The following PHACTR1 variants were observed in gnomAD, a reference collection of about 807,000 sequenced individuals.
The protein encoded by PHACTR1 is phosphatase and actin regulator 1, also known as RPEL repeat containing 1.
PHACTR1 carries 16 observed loss-of-function variants against 69.2 expected under a neutral mutation model. That is an observed-to-expected ratio of 0.23 (90% confidence interval 0.16 to 0.35). The LOEUF (loss-of-function observed/expected upper bound fraction) is 0.35, where lower values mean the gene tolerates loss of function less well. PHACTR1 is among the 10% of genes least tolerant of loss of function. The probability of loss-of-function intolerance (pLI) is 1.00; values close to 1 mark genes in which losing one functional copy is unlikely to be tolerated. For missense variants in PHACTR1, 510 were observed against 734.7 expected (o/e 0.69, Z 3.54); for synonymous variants, 312 against 284.5 (o/e 1.10, Z -0.97).
chr6:12,801,257 A>T (rs1050838085), intron 4 of PHACTR1, among the ~76,000 whole-genome samples: 19 of 152,366 alleles, frequency 1.2e-4, no homozygotes, highest in African/African-American at 4.3e-4. Context: ...GAAGAACACC[A>T]TCTAACTTGT....
intron 7 of PHACTR1, among the ~76,000 whole-genome samples, chr6:13,203,133 A>T (rs1378246401): frequency 6.6e-6 from 1 of 152,172 alleles, no homozygotes; most frequent in Non-Finnish European, 1.5e-5. Context: ...TCAGGCTCAC[A>T]TCTCCCTCCT....
At chr6:13,082,659 A>G (rs1811582395) in intron 5 of PHACTR1, among the ~76,000 whole-genome samples, 1 of 152,162 alleles carries the variant, frequency 6.6e-6, no homozygotes, top group Admixed American at 6.6e-5. Context: ...GTGAGATGGT[A>G]TCTCATTGTG....
intron 10 of PHACTR1, among the ~76,000 whole-genome samples, chr6:13,251,915 C>T (rs1329654584): frequency 5.3e-5 from 8 of 151,348 alleles, no homozygotes. Flanking sequence ...ATTAGCTGGG[C>T]ATGGTGGCAC....
chr6:13,142,413 A>G (rs1179537041), intron 5 of PHACTR1, among the ~76,000 whole-genome samples: 1 of 152,260 alleles, frequency 6.6e-6, no homozygotes, highest in South Asian at 2.1e-4. Context: ...CGAGAATCCA[A>G]TAGTTTTACT....
intron 8 of PHACTR1, among the ~76,000 whole-genome samples, chr6:13,208,444 C>T (rs9395539): frequency 2.0e-5 from 3 of 152,118 alleles, no homozygotes; most frequent in Non-Finnish European, 4.4e-5. Context: ...TGTGATGGAT[C>T]GAAAATGGAA....
At chr6:13,007,447 C>T (rs190379561) in intron 4 of PHACTR1, among the ~76,000 whole-genome samples, 32 of 152,144 alleles carry the variant, frequency 2.1e-4, no homozygotes, top group Non-Finnish European at 4.1e-4. Flanking sequence ...CTAATCTGTC[C>T]CCTATTTATC....
intron 4 of PHACTR1, among the ~76,000 whole-genome samples, chr6:12,946,461 A>T: frequency 6.6e-6 from 1 of 152,216 alleles, no homozygotes; most frequent in Non-Finnish European, 1.5e-5. Flanking sequence ...CAGTTAGATT[A>T]TTGCAGAAGA....
intron 4 of PHACTR1, among the ~76,000 whole-genome samples, chr6:12,825,028 C>A (rs1776636566): frequency 6.6e-6 from 1 of 152,132 alleles, no homozygotes; most frequent in African/African-American, 2.4e-5. Flanking sequence ...CCTGTAATCC[C>A]AGCACTTTGA....
intron 4 of PHACTR1, among the ~76,000 whole-genome samples, chr6:12,803,034 C>G (rs775402512): frequency 1.3e-5 from 2 of 152,142 alleles, no homozygotes; most frequent in Admixed American, 1.3e-4. Flanking sequence ...AAGGTGAACA[C>G]GTGTGTTAAA....
chr6:12,746,811 A>T (rs1299180181), intron 3 of PHACTR1, among the ~76,000 whole-genome samples: 3 of 152,194 alleles, frequency 2.0e-5, no homozygotes, highest in Admixed American at 1.3e-4. Flanking sequence ...AGATGACGTT[A>T]TCATTTTTCC....
chr6:12,989,101 C>T (rs994426513), intron 4 of PHACTR1, among the ~76,000 whole-genome samples: 27 of 152,182 alleles, frequency 1.8e-4, no homozygotes, highest in African/African-American at 5.8e-4. Flanking sequence ...TATCTTATAA[C>T]GTTGAATCCT....
At position 12,839,435 on chromosome 6, in the gene PHACTR1, G is replaced by A. The variant is rs114130241; in HGVS notation, c.250+89645G>A. Among the ~76,000 whole-genome samples, 1,049 of 152,154 alleles carry A rather than the reference G, an allele frequency of 6.9e-3. 17 individuals are homozygous for A. The highest frequency in any genetic ancestry group is 0.024 in the African/African-American group (998 of 41,486). ...TTTTTCATCCCCTCCACCCCACAGC[G>A]AGTCCTTTGTGGGGTTCAGTAAAGT... On this transcript the variant is annotated intron_variant, in intron 4 of 14. Transcript: ENST00000332995.
intron 3 of PHACTR1, among the ~76,000 whole-genome samples, chr6:12,748,149 G>C (rs1766048874): frequency 6.6e-6 from 1 of 152,190 alleles, no homozygotes; most frequent in South Asian, 2.1e-4. Flanking sequence ...AGTTCCACGG[G>C]AAGATTAAAC....
chr6:12,916,110 A>G (rs1786960830), intron 4 of PHACTR1, among the ~76,000 whole-genome samples: 1 of 152,192 alleles, frequency 6.6e-6, no homozygotes, highest in South Asian at 2.1e-4. Context: ...TCAGTTTTCC[A>G]TAAGCCTAAA....
intron 3 of PHACTR1, among the ~76,000 whole-genome samples, chr6:12,744,342 T>C (rs1236852968): frequency 6.6e-6 from 1 of 152,144 alleles, no homozygotes; most frequent in Non-Finnish European, 1.5e-5. Flanking sequence ...TATATTGCCA[T>C]AAGTTAAGAA....
At chr6:13,019,063 T>C (rs1800588915) in intron 4 of PHACTR1, among the ~76,000 whole-genome samples, 1 of 112,122 alleles carries the variant, frequency 8.9e-6, no homozygotes, top group Admixed American at 9.5e-5. Flanking sequence ...AATATATATA[T>C]ATATATATAT....
chr6:12,741,277 G>A (rs756569462), intron 3 of PHACTR1, among the ~76,000 whole-genome samples: 9 of 151,444 alleles, frequency 5.9e-5, no homozygotes, highest in East Asian at 1.9e-4. Context: ...TGATTTTTAC[G>A]CCCTGCTTAA....
chr6:13,084,932 A>G (rs147180814), intron 5 of PHACTR1, among the ~76,000 whole-genome samples: 113 of 152,256 alleles, frequency 7.4e-4, no homozygotes, highest in Admixed American at 6.5e-3. Context: ...ATTCTAATAG[A>G]AAGTAATGAA....
chr6:13,197,867 G>A (rs1764655779), intron 7 of PHACTR1, among the ~76,000 whole-genome samples: 1 of 152,192 alleles, frequency 6.6e-6, no homozygotes, highest in African/African-American at 2.4e-5. Flanking sequence ...TATGGAGGGA[G>A]TAGCCTCTTT....
Sources: allele counts gnomAD v4.1 joint callset (sites outside exome capture counted in the v4.1 genomes callset), GRCh38; gene constraint gnomAD v4.1.1; transcripts MANE v1.5; gene names NCBI Gene and HGNC (gene_info 2026-07-23, HGNC 2026-07-21).